TRIM77: variants seen among roughly 807,000 people sequenced by gnomAD.
TRIM77 encodes tripartite motif containing 77, also known as tripartite motif-containing protein 77.
Under a neutral mutation model 31.8 loss-of-function variants are expected in TRIM77, and 23 were observed. The ratio of observed to expected loss-of-function variants is 0.72; its 90% CI spans 0.52 to 1.02. TRIM77 has a LOEUF of 1.02. TRIM77 is among the 50% of genes least tolerant of loss of function. The probability of loss-of-function intolerance (pLI) is 0.00; values close to 1 mark genes in which losing one functional copy is unlikely to be tolerated. For missense variants in TRIM77, 446 were observed against 539.2 expected (o/e 0.83, Z 1.71); for synonymous variants, 159 against 183.1 (o/e 0.87, Z 1.06).
intron 3 of TRIM77, among the ~76,000 whole-genome samples, chr11:89,714,950 A>G (rs1478654443): frequency 6.6e-6 from 1 of 152,158 alleles, no homozygotes; most frequent in Non-Finnish European, 1.5e-5. Flanking sequence ...TGTTTCATCA[A>G]GAGTATAATT....
intron 4 of TRIM77, 108 bp from the exon 5 acceptor site, chr11:89,715,782 G>A (rs1949156668): frequency 6.0e-6 from 4 of 662,118 alleles, no homozygotes; most frequent in Admixed American, 2.9e-5. Flanking sequence ...TTGAGTTCAA[G>A]TCACACTCTT....
intron 3 of TRIM77, 81 bp downstream of exon 3, chr11:89,714,503 C>G: frequency 2.0e-6 from 2 of 995,146 alleles, no homozygotes; most frequent in Non-Finnish European, 2.9e-6. Flanking sequence ...CCTTTTTGAT[C>G]TATATTACTT....
Position 89,714,208 on chromosome 11 carries a change from G to A in TRIM77, c.524G>A (p.Arg175Gln), listed in dbSNP as rs962384490. The change falls in exon 3 of 6, where the codon CGG becomes CAG. Residue 175 changes from arginine (R) to glutamine (Q), a missense_variant. By Grantham distance (43) the Arg-to-Gln change is conservative. Coordinates refer to ENST00000398290, the MANE Select transcript of TRIM77 (RefSeq NM_001146162.1). ...IGTWEVFINL[R>Q]SMMISAEYPK... is the part of the protein sequence containing the mutation. ...TCACTACAGGTTTTTATAAATTTGCGGAGCATGATGATCAGTGCTGAATAT... is the reference window on the plus strand; with the variant it reads ...TCACTACAGGTTTTTATAAATTTGCAGAGCATGATGATCAGTGCTGAATAT... 2.9e-5 allele frequency: 45 copies of A among 1,547,538 alleles called. No homozygotes were observed. The highest frequency in any genetic ancestry group is 1.8e-4 in the African/African-American group (13 of 72,882).
chr11:89,714,959 T>C (rs1377517944), intron 3 of TRIM77, among the ~76,000 whole-genome samples, 199 bp from the exon 4 acceptor site: 1 of 152,204 alleles, frequency 6.6e-6, no homozygotes, highest in Non-Finnish European at 1.5e-5. Flanking sequence ...AAGAGTATAA[T>C]TTTATTGACT....
Position 89,710,487 on chromosome 11 carries a change from C to T in TRIM77, c.189C>T (p.Tyr63=). The change falls in exon 1 of 6, where the codon TAC becomes TAT. Residue 63 remains tyrosine, a synonymous_variant. Coordinates refer to ENST00000398290, the MANE Select transcript of TRIM77 (RefSeq NM_001146162.1). The stretch of plus-strand genomic sequence containing the variant: ...GCAGGGAAATATCACAGCAAATGTA[C>T]TTCAAACGCATTATTTTTGCTGAGA... ...PVCREISQQM[Y]FKRIIFAEKQ... is the part of the protein sequence containing the mutation. 6 of 1,551,536 alleles carry T rather than the reference C, an allele frequency of 3.9e-6. No homozygotes were observed. Among genetic ancestry groups the T allele is most frequent in the Middle Eastern group, 1.7e-4 (1 of 5,992 alleles).
Position 89,711,495 on chromosome 11 carries a change from G to C in TRIM77, c.497G>C (p.Gly166Ala). 6.6e-7 allele frequency: 1 copy of C among 1,513,798 alleles called. No individual in the cohort carries two copies. The highest frequency in any genetic ancestry group is 8.9e-7 in the Non-Finnish European group (1 of 1,128,778). The allele number at this position is 1,513,798 out of a possible 1,614,324, so 93.8% of individuals were successfully genotyped here. Residue 166 changes from glycine to alanine, a missense_variant, in exon 2 of 6, where the codon GGA becomes GCA. By Grantham distance (60) the Gly-to-Ala change is moderately conservative. Coordinates refer to ENST00000398290, the MANE Select transcript of TRIM77 (RefSeq NM_001146162.1). ...CTAAACAGAGAGACCAACATAATCG[G>C]AACATGGGAAGTAAGCAGTAAGCTC... is the stretch of plus-strand genomic sequence containing the variant. ...RNLNRETNII[G>A]TWEVFINLRS... is the part of the protein sequence containing the mutation.
intron 2 of TRIM77, 55 bp downstream of exon 2, chr11:89,711,560 G>A (rs935455364): frequency 2.1e-6 from 2 of 974,152 alleles, no homozygotes; most frequent in Non-Finnish European, 3.0e-6. Flanking sequence ...AATGTGACTT[G>A]TGGGAGAAGA....
intron 4 of TRIM77, among the ~76,000 whole-genome samples, chr11:89,715,538 G>C (rs1184380884): frequency 1.3e-5 from 2 of 152,142 alleles, no homozygotes; most frequent in African/African-American, 4.8e-5. Context: ...TCACCAAGAA[G>C]GAATGTAGTA....
At position 89,710,370 on chromosome 11, in the gene TRIM77, C is replaced by A. The variant is rs563264183; in HGVS notation, c.72C>A (p.Asp24Glu). ...CGATCTGCACAGACTATTTGACAGA[C>A]CCTGTCACCATTTGTTGTGGGCACA... is the stretch of plus-strand genomic sequence containing the variant. ...TCSICTDYLT[D>E]PVTICCGHRF... The change falls in exon 1 of 6, where the codon GAC (aspartate) becomes GAA (glutamate). Residue 24 changes from aspartate (D) to glutamate (E), a missense_variant. By Grantham distance (45) the Asp-to-Glu change is conservative. Coordinates refer to ENST00000398290, the MANE Select transcript of TRIM77 (RefSeq NM_001146162.1). The A allele has an allele frequency of 1.7e-5, 27 of 1,551,966 alleles. No individual in the cohort carries two copies. The African/African-American group carries it at 2.7e-4, about 16-fold the overall frequency.
chr11:89,715,315 T>C (rs1469920594), intron 4 of TRIM77, 135 bp downstream of exon 4: 1 of 786,966 alleles, frequency 1.3e-6, no homozygotes, highest in African/African-American at 1.7e-5. Context: ...ATCCAGGCTT[T>C]ATATATTGAC....
chr11:89,714,135 T>C (rs1248901823), intron 2 of TRIM77, 57 bp from the exon 3 acceptor site: 21 of 1,155,552 alleles, frequency 1.8e-5, no homozygotes, highest in Non-Finnish European at 4.9e-6. Context: ...GAATAGCTGA[T>C]AAGGAAAGAA....
chr11:89,710,559 C>T lies in TRIM77; in HGVS notation c.261C>T (p.Ser87=). The T allele has an allele frequency of 6.4e-7, 1 of 1,551,742 alleles. No homozygotes were observed. The highest frequency in any genetic ancestry group is 8.7e-7 in the Non-Finnish European group (1 of 1,146,994). The change falls in exon 1 of 6, where the codon AGC becomes AGT. Residue 87 remains serine (S), a synonymous_variant. Coordinates refer to ENST00000398290, the MANE Select transcript of TRIM77 (RefSeq NM_001146162.1). ...TRESVPCQLS[S]SAMLICRRHQ... ...AATCAGTCCCCTGCCAGTTATCAAG[C>T]TCTGCCATGCTGATCTGTAGGAGAC...
chr11:89,712,253 G>A (rs1339475504), intron 2 of TRIM77, among the ~76,000 whole-genome samples: 1 of 152,074 alleles, frequency 6.6e-6, no homozygotes, highest in Admixed American at 6.6e-5. Context: ...GAATGCCAAA[G>A]GGGAACAAAA....
intron 2 of TRIM77, among the ~76,000 whole-genome samples, chr11:89,711,958 A>C (rs1267866953): frequency 2.0e-5 from 3 of 152,170 alleles, no homozygotes; most frequent in African/African-American, 7.2e-5. Context: ...AAAAGCGGTA[A>C]AATTATTTGG....
chr11:89,712,958 G>A (rs1292921179), intron 2 of TRIM77, among the ~76,000 whole-genome samples: 2 of 152,088 alleles, frequency 1.3e-5, no homozygotes, highest in African/African-American at 2.4e-5. Flanking sequence ...AAGGTGGTAT[G>A]GAAAGAAGGG....
rs116831216 is a variant in TRIM77, at chr11:89,713,748, A to G, written c.508-444A>G. 9.1e-3 allele frequency among the ~76,000 whole-genome samples: 1,391 copies of G among 152,202 alleles called. 23 individuals carry two copies. The highest frequency in any genetic ancestry group is 0.032 in the African/African-American group (1,329 of 41,528). On this transcript the variant is annotated intron_variant, in intron 2 of 5. Transcript: ENST00000398290. ...GTAGTCTTAGGTAATAGGCAAGCAT[A>G]GCCAAACACTGGTAAAAGCACCGAG...
Position 89,715,875 on chromosome 11 carries a change from T to C in TRIM77, c.762-15T>C. On this transcript the variant is annotated splice_polypyrimidine_tract_variant and intron_variant, in intron 4 of 5. Coordinates refer to ENST00000398290, the MANE Select transcript of TRIM77 (RefSeq NM_001146162.1). ...TTTGGGACTGGTAATTAAAAGTAGG[T>C]ATTTTTCTTTGCAGGAATGAGTTTC... 3.3e-6 allele frequency: 5 copies of C among 1,511,094 alleles called. No homozygotes were observed. The highest frequency in any genetic ancestry group is 4.5e-6 in the Non-Finnish European group (5 of 1,115,618). The allele number at this position is 1,511,094 out of a possible 1,614,324, so 93.6% of individuals were successfully genotyped here. A position where few individuals can be genotyped will look rare whatever the true frequency, so the allele number is the denominator to read the frequency against.
In TRIM77 at chr11:89,710,647, C is replaced by A. The variant is rs1290152093; in HGVS notation, c.349C>A (p.Gln117Lys). Residue 117 changes from glutamine (Q) to lysine (K), a missense_variant, in exon 1 of 6, where the codon CAA becomes AAA. Gln to Lys is a moderately conservative substitution (Grantham distance 53, BLOSUM62 1). Coordinates refer to ENST00000398290, the MANE Select transcript of TRIM77 (RefSeq NM_001146162.1). ...GAGCCTGCTGTGTTTTCTATGCTCT[C>A]AATCCCCAAGGCATGCTACTCACAA... ...DRSLLCFLCS[Q>K]SPRHATHKHY... 2.1e-5 allele frequency: 32 copies of A among 1,550,832 alleles called. No individual in the cohort carries two copies. The Middle Eastern group carries it at 5.0e-4, about 24-fold the overall frequency.
rs1949170257 is a variant in TRIM77, at chr11:89,717,531, T to C, written c.1012T>C (p.Ser338Pro). Residue 338 changes from serine to proline, a missense_variant, in exon 6 of 6, where the codon TCT becomes CCT. Physicochemically the swap from Ser to Pro is moderately conservative, Grantham distance 74. Around this residue, in one of 3 missense-constraint regions of TRIM77, gnomAD observed 366 missense variants for 447.9 expected, o/e 0.82. Transcript: ENST00000398290. ...TSSWGAQILS[S>P]GKHYWEVDVK... ...TTCATGGGGAGCTCAGATCCTCAGC[T>C]CTGGCAAACATTACTGGGAGGTGGA... 4.5e-6 allele frequency: 7 copies of C among 1,551,568 alleles called. No individual in the cohort carries two copies. Among genetic ancestry groups the C allele is most frequent in the Middle Eastern group, 1.7e-4 (1 of 5,992 alleles).
Sources: allele counts gnomAD v4.1 joint callset (sites outside exome capture counted in the v4.1 genomes callset), GRCh38; gene constraint gnomAD v4.1.1; regional missense constraint gnomAD v4.1.1; transcripts MANE v1.5; gene names NCBI Gene and HGNC (gene_info 2026-07-23, HGNC 2026-07-21).